Variants in STAB2 observed in about 807,000 individuals in gnomAD.
STAB2 encodes stabilin 2.
In STAB2, 288 loss-of-function variants were observed where a neutral mutation model predicts 338.1. The ratio of observed to expected loss-of-function variants is 0.85; its 90% CI spans 0.77 to 0.94. The LOEUF is 0.94. Among genes scored for constraint, STAB2 ranks in the 40% least tolerant of loss-of-function variants. The pLI is 0.00. For missense variants in STAB2, 3,141 were observed against 3,210.1 expected, an observed-to-expected ratio of 0.98 and a Z score of 0.52; for synonymous variants, 1,202 against 1,193.3, an observed-to-expected ratio of 1.01 and a Z score of -0.15.
At chr12:103,697,046 A>G (rs1054425158) in intron 33 of STAB2, among the ~76,000 whole-genome samples, 1 of 152,172 alleles carries the variant, frequency 6.6e-6, no homozygotes, top group Non-Finnish European at 1.5e-5. Context: ...ATAAGGAAAT[A>G]AGGAAGGCTG....
chr12:103,742,253 T>G, intron 55 of STAB2, 152 bp from the exon 56 acceptor site: 1 of 920,960 alleles, frequency 1.1e-6, no homozygotes, highest in Non-Finnish European at 1.6e-6. Context: ...TCATGTCCCA[T>G]AGGCCAGTGA....
intron 58 of STAB2, among the ~76,000 whole-genome samples, chr12:103,747,931 G>A (rs1593324347): frequency 6.7e-6 from 1 of 148,938 alleles, no homozygotes; most frequent in Admixed American, 6.7e-5. Flanking sequence ...GGAGGCAGAG[G>A]TTGCAGTGAG....
chr12:103,654,844 G>C (rs1874060657), intron 13 of STAB2, 146 bp downstream of exon 13: 1 of 1,010,034 alleles, frequency 9.9e-7, no homozygotes, highest in South Asian at 2.1e-5. Flanking sequence ...TGGTTTGTCT[G>C]TTTCCAATAG....
intron 3 of STAB2, among the ~76,000 whole-genome samples, chr12:103,611,078 T>C (rs1957114642): frequency 6.6e-6 from 1 of 152,230 alleles, no homozygotes; most frequent in Non-Finnish European, 1.5e-5. Context: ...TCTGTTCTTT[T>C]ACATTTGCTG....
intron 51 of STAB2, 136 bp from the exon 52 acceptor site, chr12:103,735,355 G>T: frequency 1.8e-6 from 1 of 555,118 alleles, no homozygotes; most frequent in Non-Finnish European, 3.2e-6. Flanking sequence ...TATACCTACG[G>T]TCATTTGTAA....
chr12:103,704,417 G>GT, intron 35 of STAB2, 141 bp from the exon 36 acceptor site: 2 of 691,022 alleles, frequency 2.9e-6, no homozygotes, highest in South Asian at 4.1e-5. Context: ...GAGTTGAAGT[G>GT]TTTGTCTCAG....
chr12:103,704,643 A>G, intron 36 of STAB2, 29 bp downstream of exon 36: 1 of 1,608,018 alleles, frequency 6.2e-7, no homozygotes, highest in Non-Finnish European at 8.5e-7. Flanking sequence ...TTGATAAAAT[A>G]GTTTCCAGAT....
chr12:103,646,581 G>C (rs1873353624), intron 9 of STAB2, among the ~76,000 whole-genome samples: 1 of 152,144 alleles, frequency 6.6e-6, no homozygotes, highest in African/African-American at 2.4e-5. Context: ...AGGTCAAGTG[G>C]CCTTACCATG....
In STAB2 at chr12:103,675,965, CTG is replaced by C. The variant is rs776391793; in HGVS notation, c.2594_2595del (p.Cys865PhefsTer2). The C allele has an allele frequency of 1.9e-6, 3 of 1,612,452 alleles. No homozygotes were observed. The highest frequency in any genetic ancestry group is 2.2e-5 in the South Asian group (2 of 91,030). ...AGCAGGATATGAAGGAGATGGAACT[CTG>C]TGTTCTGAGATGGACCCTTGCACAG... Reference protein sequence around the residue: ...CKAGYEGDGTLCSEMDPCTGL... With the variant: ...CKAGYEGDGTXCSEMDPCTGL... On this transcript the variant is annotated frameshift_variant, in exon 24 of 69. Transcript: ENST00000388887. LOFTEE classifies it high-confidence loss of function.
At chr12:103,667,922 C>T (rs918472741) in intron 19 of STAB2, among the ~76,000 whole-genome samples, 4 of 152,210 alleles carry the variant, frequency 2.6e-5, no homozygotes, top group African/African-American at 9.6e-5. Flanking sequence ...ACAGAGGCTA[C>T]ATGACTGTGA....
At chr12:103,599,853 T>C (rs1956929082) in intron 3 of STAB2, among the ~76,000 whole-genome samples, 1 of 152,196 alleles carries the variant, frequency 6.6e-6, no homozygotes, top group South Asian at 2.1e-4. Context: ...TTTGTGTTTC[T>C]CAGATCACCA....
At chr12:103,696,184 C>T (rs1178322818) in intron 33 of STAB2, among the ~76,000 whole-genome samples, 2 of 152,118 alleles carry the variant, frequency 1.3e-5, no homozygotes, top group African/African-American at 2.4e-5. Context: ...TCTATAGAAC[C>T]ATCACTCTGG....
intron 46 of STAB2, 112 bp downstream of exon 46, chr12:103,726,275 G>A: frequency 9.2e-7 from 1 of 1,090,286 alleles, no homozygotes; most frequent in African/African-American, 1.6e-5. Context: ...GATTGCCTGA[G>A]CTCAGGAGTT....
intron 63 of STAB2, among the ~76,000 whole-genome samples, chr12:103,757,329 T>G (rs1884207716): frequency 6.6e-6 from 1 of 152,072 alleles, no homozygotes; most frequent in African/African-American, 2.4e-5. Flanking sequence ...CTCAAGCTGC[T>G]CTCTCACCTC....
intron 46 of STAB2, 27 bp downstream of exon 46, chr12:103,726,190 C>T: frequency 6.2e-7 from 1 of 1,613,086 alleles, no homozygotes; most frequent in Non-Finnish European, 8.5e-7. Context: ...TCTGTCTAGC[C>T]ATAAGAGTTC....
At chr12:103,691,728 C>G (rs17034384) in intron 30 of STAB2, among the ~76,000 whole-genome samples, 10,091 of 152,196 alleles carry the variant, frequency 0.066, 1,037 homozygotes, top group African/African-American at 0.22. Flanking sequence ...GTAATGAGTT[C>G]ATTCCTATGT....
chr12:103,637,983 T>C (rs1361952988), intron 7 of STAB2, 33 bp from the exon 8 acceptor site: 1 of 1,592,870 alleles, frequency 6.3e-7, no homozygotes, highest in Non-Finnish European at 8.6e-7. Context: ...CCCCGTTAAC[T>C]AACTGCCTCT....
intron 50 of STAB2, 120 bp from the exon 51 acceptor site, chr12:103,732,886 C>A: frequency 3.5e-6 from 4 of 1,154,082 alleles, no homozygotes; most frequent in Admixed American, 2.4e-5. Context: ...ACCCTTGAAC[C>A]ATCCAGAGTC....
chr12:103,707,129 A>C, intron 38 of STAB2, 142 bp downstream of exon 38: 1 of 853,380 alleles, frequency 1.2e-6, no homozygotes, highest in Non-Finnish European at 1.8e-6. Context: ...TATCACTGTG[A>C]ATTATAAGAG....
Sources: gnomAD v4.1 joint callset for allele counts (sites outside exome capture counted in the v4.1 genomes callset) on GRCh38, gnomAD v4.1.1 for gene constraint, MANE v1.5 for transcripts, NCBI Gene and HGNC (gene_info 2026-07-23, HGNC 2026-07-21) for gene names.